The following GFRA1 variants were observed in gnomAD, a reference collection of about 807,000 sequenced individuals.
GFRA1 encodes the protein GDNF family receptor alpha-1.
Under a neutral mutation model 51.6 loss-of-function variants are expected in GFRA1, and 16 were observed. That is an observed-to-expected ratio of 0.31 (90% CI 0.21 to 0.47). GFRA1 has a LOEUF of 0.47. GFRA1 is among the 20% of genes least tolerant of loss of function. The pLI is 1.00. For synonymous variants in GFRA1, 270 were observed against 241.3 expected (o/e 1.12, Z -1.10); for missense variants, 530 against 594.3 (o/e 0.89, Z 1.13).
intron 5 of GFRA1, among the ~76,000 whole-genome samples, chr10:116,190,959 A>T (rs1963204740): frequency 6.6e-6 from 1 of 152,246 alleles, no homozygotes; most frequent in African/African-American, 2.4e-5. Flanking sequence ...TCTCCCTGAA[A>T]TAAAAAACAA....
At chr10:116,121,647 T>C (rs1457844142) in intron 6 of GFRA1, among the ~76,000 whole-genome samples, 1 of 152,184 alleles carries the variant, frequency 6.6e-6, no homozygotes, top group Non-Finnish European at 1.5e-5. Context: ...TCTTTGATGG[T>C]TGCTGATGTT....
intron 4 of GFRA1, among the ~76,000 whole-genome samples, chr10:116,260,695 G>A (rs562960283): frequency 6.6e-6 from 1 of 151,380 alleles, no homozygotes; most frequent in Non-Finnish European, 1.5e-5. Context: ...AACAATAGCT[G>A]CTTTCACCCC....
chr10:116,086,887 G>A (rs1176773625), intron 9 of GFRA1, among the ~76,000 whole-genome samples: 1 of 152,140 alleles, frequency 6.6e-6, no homozygotes, highest in Non-Finnish European at 1.5e-5. Flanking sequence ...GTGCAATCAC[G>A]GCTCACTGCA....
At position 116,272,060 on chromosome 10, in the gene GFRA1, C is replaced by T; in HGVS notation, c.-31G>A. On this transcript the variant is annotated 5_prime_UTR_variant, in exon 2 of 11. Transcript: ENST00000355422. This position sits in a 1 kb window ranked among gnomAD's most constrained non-coding sequence, Gnocchi z 4.4. ...CGGCGCGGGGCTGGTCCCCGCCCCC[C>T]CAAAAAAATCCCGAGCCGCCGCTGG... The T allele has an allele frequency of 6.5e-7, 1 of 1,542,548 alleles. No homozygotes were observed. Among genetic ancestry groups the T allele is most frequent in the Non-Finnish European group, 8.8e-7 (1 of 1,140,838 alleles).
intron 4 of GFRA1, among the ~76,000 whole-genome samples, chr10:116,250,352 G>A (rs1968229303): frequency 2.6e-5 from 4 of 152,130 alleles, no homozygotes; most frequent in Non-Finnish European, 5.9e-5. Context: ...GCCCCATTTT[G>A]TCTCCTAACA....
intron 4 of GFRA1, among the ~76,000 whole-genome samples, chr10:116,235,082 A>G (rs1966851930): frequency 6.6e-6 from 1 of 152,152 alleles, no homozygotes; most frequent in African/African-American, 2.4e-5. Flanking sequence ...TTTATAAATT[A>G]CCCAGTCGCA....
At chr10:116,220,483 C>T (rs1965849045) in intron 4 of GFRA1, among the ~76,000 whole-genome samples, 1 of 152,176 alleles carries the variant, frequency 6.6e-6, no homozygotes, top group South Asian at 2.1e-4. Flanking sequence ...CTCTCTTTAC[C>T]AGGTGATCAT....
intron 5 of GFRA1, among the ~76,000 whole-genome samples, chr10:116,144,253 A>T (rs1301120180): frequency 6.6e-6 from 1 of 152,058 alleles, no homozygotes; most frequent in Admixed American, 6.6e-5. Flanking sequence ...ACACAATAAT[A>T]ATCTAAGTTA....
rs908868206 is a variant in GFRA1, at chr10:116,062,133, G to A, written c.*2265C>T. The A allele has an allele frequency of 1.0e-5, 4 of 398,398 alleles. No homozygotes were observed. The highest frequency in any genetic ancestry group is 4.1e-5 in the African/African-American group (2 of 48,618). The allele number at this position is 398,398 out of a possible 1,614,324, so 24.7% of individuals were successfully genotyped here. On this transcript the variant is annotated 3_prime_UTR_variant, in exon 11 of 11. Coordinates refer to ENST00000355422, the MANE Select transcript of GFRA1 (RefSeq NM_005264.8). The stretch of plus-strand genomic sequence containing the variant: ...TGTTAGCGCTGAAACTCCCATTTCC[G>A]CTTTGGTCATCTGATGCTAATTAGA...
intron 9 of GFRA1, among the ~76,000 whole-genome samples, chr10:116,081,876 T>C (rs1489223789): frequency 1.3e-5 from 2 of 152,228 alleles, no homozygotes; most frequent in Admixed American, 6.5e-5. Flanking sequence ...AGAAAGCACA[T>C]TGAACTCATG....
intron 4 of GFRA1, among the ~76,000 whole-genome samples, chr10:116,224,864 A>G (rs573564376): frequency 4.6e-4 from 70 of 152,312 alleles, no homozygotes; most frequent in African/African-American, 1.6e-3. Flanking sequence ...TACATTTCAA[A>G]TGACTAGGAA....
intron 9 of GFRA1, among the ~76,000 whole-genome samples, chr10:116,083,848 T>C (rs1955968766): frequency 1.3e-5 from 2 of 152,238 alleles, no homozygotes; most frequent in African/African-American, 4.8e-5. Flanking sequence ...ATTTTCAATA[T>C]TCAAATGCAG....
At position 116,063,680 on chromosome 10, in the gene GFRA1, G is replaced by A. The variant is rs972812753; in HGVS notation, c.*718C>T. The A allele has an allele frequency of 1.3e-5, 2 of 152,222 alleles. No homozygotes were observed. Among genetic ancestry groups the A allele is most frequent in the African/African-American group, 4.8e-5 (2 of 41,376 alleles). The allele number at this position is 152,222 out of a possible 1,614,324, so 9.4% of individuals were successfully genotyped here. A position where few individuals can be genotyped will look rare whatever the true frequency, so the allele number is the denominator to read the frequency against. ...CTTAGGATTAGGAGAGTGTCGTTCA[G>A]GGATTGAGGTATTGAATCGGCACAC... On this transcript the variant is annotated 3_prime_UTR_variant, in exon 11 of 11. Transcript: ENST00000355422.
chr10:116,185,253 T>C (rs904308839), intron 5 of GFRA1, among the ~76,000 whole-genome samples: 7 of 151,960 alleles, frequency 4.6e-5, no homozygotes, highest in African/African-American at 1.2e-4. Flanking sequence ...TAACCTCTCA[T>C]AGCCTCAGTT....
chr10:116,205,926 T>TCA (rs55780139), intron 5 of GFRA1, among the ~76,000 whole-genome samples: 18,209 of 142,250 alleles, frequency 0.13, 1,053 homozygotes, highest in Middle Eastern at 0.2. Flanking sequence ...TTTCCTCATA[T>TCA]CACACACACA....
intron 4 of GFRA1, among the ~76,000 whole-genome samples, chr10:116,248,900 T>G (rs1195787451): frequency 2.0e-5 from 3 of 152,166 alleles, no homozygotes; most frequent in African/African-American, 7.2e-5. Context: ...CTGCAATTCC[T>G]GCCACGGTGA....
chr10:116,236,391 G>A (rs1242106009), intron 4 of GFRA1, among the ~76,000 whole-genome samples: 1 of 152,014 alleles, frequency 6.6e-6, no homozygotes, highest in East Asian at 1.9e-4. Context: ...AAGGTTACCA[G>A]GACTTTCTCA....
chr10:116,210,695 A>G (rs979782785), intron 5 of GFRA1, among the ~76,000 whole-genome samples: 1 of 152,214 alleles, frequency 6.6e-6, no homozygotes, highest in Non-Finnish European at 1.5e-5. Context: ...TTGGGGTGAA[A>G]TAACAGTTGT....
intron 4 of GFRA1, among the ~76,000 whole-genome samples, chr10:116,243,847 A>G (rs1409788190): frequency 6.6e-6 from 1 of 152,192 alleles, no homozygotes; most frequent in East Asian, 1.9e-4. Context: ...CAGAAGACAC[A>G]TATCTTGAAA....
Sources: gnomAD v4.1 joint callset for allele counts (sites outside exome capture counted in the v4.1 genomes callset) on GRCh38, gnomAD v4.1.1 for gene constraint, Gnocchi (gnomAD v3.1) non-coding constraint, MANE v1.5 for transcripts, NCBI Gene and HGNC (gene_info 2026-07-23, HGNC 2026-07-21) for gene names.